Variants in SEMA6D observed in about 807,000 individuals in gnomAD.
SEMA6D encodes the protein semaphorin 6D, also known as semaphorin-6D.
SEMA6D carries 35 observed loss-of-function variants against 106.6 expected under a neutral mutation model. The ratio of observed to expected loss-of-function variants is 0.33; its 90% CI spans 0.25 to 0.44. The LOEUF is 0.44. Among genes scored for constraint, SEMA6D ranks in the 20% least tolerant of loss-of-function variants. SEMA6D has a pLI of 1.00. For synonymous variants in SEMA6D, 499 were observed against 487.7 expected (o/e 1.02, Z -0.31); for missense variants, 1,185 against 1,345.9 (o/e 0.88, Z 1.87).
At chr15:47,498,241 T>A (rs2043734492) in intron 3 of SEMA6D, among the ~76,000 whole-genome samples, 1 of 152,170 alleles carries the variant, frequency 6.6e-6, no homozygotes, top group East Asian at 1.9e-4. Context: ...AATGTGGTTA[T>A]CATTTTAGGT....
intron 1 of SEMA6D, among the ~76,000 whole-genome samples, chr15:47,243,011 G>A (rs544872499): frequency 3.9e-5 from 6 of 152,102 alleles, no homozygotes; most frequent in East Asian, 1.9e-4. Flanking sequence ...AAACTTCACC[G>A]TGTATATGTT....
chr15:47,312,596 G>A (rs964944469), intron 1 of SEMA6D, among the ~76,000 whole-genome samples: 2 of 152,014 alleles, frequency 1.3e-5, no homozygotes, highest in Admixed American at 1.3e-4. Flanking sequence ...GTTAAGGGTG[G>A]AGTCTTTAGA....
intron 3 of SEMA6D, among the ~76,000 whole-genome samples, chr15:47,530,002 C>G (rs1473829910): frequency 1.3e-5 from 2 of 152,298 alleles, no homozygotes; most frequent in East Asian, 3.9e-4. Context: ...TCAGCCTGAG[C>G]TTACCAAGTT....
intron 4 of SEMA6D, among the ~76,000 whole-genome samples, chr15:47,642,996 TAGGG>T (rs981708301): frequency 3.4e-4 from 51 of 149,910 alleles, no homozygotes; most frequent in African/African-American, 1.3e-3. Flanking sequence ...GAGATGGAAA[TAGGG>T]AGAGAGAGAG....
intron 3 of SEMA6D, among the ~76,000 whole-genome samples, chr15:47,473,720 G>A (rs1174776943): frequency 1.3e-5 from 2 of 152,104 alleles, no homozygotes; most frequent in Non-Finnish European, 2.9e-5. Flanking sequence ...AGACTGCCTG[G>A]GGTCCCCTGG....
intron 2 of SEMA6D, among the ~76,000 whole-genome samples, chr15:47,436,768 A>AATAT (rs535187294): frequency 3.2e-5 from 4 of 125,390 alleles, no homozygotes; most frequent in African/African-American, 9.1e-5. Context: ...TAAAAAAAAA[A>AATAT]ATATATATAT....
chr15:47,281,721 T>A lies in SEMA6D; in HGVS notation c.-239+97303T>A, dbSNP rs186564763. On this transcript the variant is annotated intron_variant, in intron 1 of 19. Coordinates refer to the SEMA6D transcript ENST00000558014. Reference sequence around the variant, plus strand: ...AATAGAGCACAGTATAATGTTAACATAAATTTTATTTTCGATGGAAAACCA... The same window carrying A: ...AATAGAGCACAGTATAATGTTAACAAAAATTTTATTTTCGATGGAAAACCA... Among the ~76,000 whole-genome samples, 3 of 152,272 alleles carry A rather than the reference T, an allele frequency of 2.0e-5. No homozygotes were observed. The East Asian group carries it at 5.8e-4, about 29-fold the overall frequency.
intron 1 of SEMA6D, among the ~76,000 whole-genome samples, chr15:47,354,446 GAC>G (rs1301407477): frequency 6.8e-6 from 1 of 147,810 alleles, no homozygotes; most frequent in African/African-American, 2.5e-5. Context: ...TGGAACAAGA[GAC>G]AGTTTTTAAG....
intron 1 of SEMA6D, among the ~76,000 whole-genome samples, chr15:47,214,663 T>C (rs2030387252): frequency 6.6e-6 from 1 of 152,206 alleles, no homozygotes; most frequent in African/African-American, 2.4e-5. Context: ...CTCTCTAATC[T>C]TTCTGCCCTG....
intron 4 of SEMA6D, among the ~76,000 whole-genome samples, chr15:47,607,070 T>C (rs971858019): frequency 6.6e-6 from 1 of 151,274 alleles, no homozygotes; most frequent in Non-Finnish European, 1.5e-5. Context: ...AAGGCTTAAA[T>C]AAAATTGTTT....
intron 1 of SEMA6D, among the ~76,000 whole-genome samples, chr15:47,239,807 C>T (rs1185456431): frequency 1.1e-4 from 16 of 152,080 alleles, no homozygotes; most frequent in Admixed American, 6.6e-4. Flanking sequence ...GTGTAACACA[C>T]GAGTAGTATG....
intron 4 of SEMA6D, among the ~76,000 whole-genome samples, chr15:47,674,640 G>T (rs1414158435): frequency 6.6e-6 from 1 of 152,146 alleles, no homozygotes; most frequent in Admixed American, 6.5e-5. Context: ...ATTAGACCTT[G>T]CCTTTTAAAC....
intron 1 of SEMA6D, among the ~76,000 whole-genome samples, chr15:47,195,521 G>C (rs1165567877): frequency 6.6e-6 from 1 of 152,054 alleles, no homozygotes; most frequent in Non-Finnish European, 1.5e-5. Flanking sequence ...GGAAGAAAAT[G>C]AAAATCAGAA....
At chr15:47,387,496 C>T (rs1006867453) in intron 1 of SEMA6D, among the ~76,000 whole-genome samples, 1 of 152,176 alleles carries the variant, frequency 6.6e-6, no homozygotes, top group African/African-American at 2.4e-5. Flanking sequence ...ATAATACCAA[C>T]TTCATGAAAT....
chr15:47,353,425 A>G (rs934778553), intron 1 of SEMA6D, among the ~76,000 whole-genome samples: 9 of 152,276 alleles, frequency 5.9e-5, no homozygotes, highest in African/African-American at 1.9e-4. Flanking sequence ...CCTATACCGT[A>G]TGCTTCTAAC....
At chr15:47,419,779 A>G (rs917087036) in intron 2 of SEMA6D, among the ~76,000 whole-genome samples, 1 of 152,152 alleles carries the variant, frequency 6.6e-6, no homozygotes, top group Non-Finnish European at 1.5e-5. Flanking sequence ...CTCAAGTCCC[A>G]GAGGATTCAG....
At chr15:47,750,254 G>C (rs1003412218) in intron 1 of SEMA6D, among the ~76,000 whole-genome samples, 1 of 152,156 alleles carries the variant, frequency 6.6e-6, no homozygotes, top group African/African-American at 2.4e-5. Flanking sequence ...CTGGAGCAGT[G>C]GGAATTACAC....
At chr15:47,367,692 GCACACACACACACACA>G (rs72057750) in intron 1 of SEMA6D, among the ~76,000 whole-genome samples, 5 of 73,502 alleles carry the variant, frequency 6.8e-5, no homozygotes, top group South Asian at 5.0e-4. Context: ...GCGCGCGCGC[GCACACACACACACACA>G]CACACACACA....
At position 47,453,764 on chromosome 15, in the gene SEMA6D, A is replaced by T. The variant is rs1285996858; in HGVS notation, c.-158-16710A>T. ...GGCGTAGAAGAGAGATCAAGAGCCC[A>T]TGTGGATACCATCTTTGGCCAGAAT... On this transcript the variant is annotated intron_variant, in intron 2 of 19. Coordinates refer to the SEMA6D transcript ENST00000558014. Among the ~76,000 whole-genome samples the T allele has an allele frequency of 2.0e-5, 3 of 151,956 alleles. No homozygotes were observed. The South Asian group carries it at 6.2e-4, about 31-fold the overall frequency.
Sources: gnomAD v4.1 joint callset for allele counts (sites outside exome capture counted in the v4.1 genomes callset) on GRCh38, gnomAD v4.1.1 for gene constraint, MANE v1.5 for transcripts, NCBI Gene and HGNC (gene_info 2026-07-23, HGNC 2026-07-21) for gene names.